TAFA2: variants seen among roughly 807,000 people sequenced by gnomAD.
The protein encoded by TAFA2 is TAFA chemokine like family member 2.
TAFA2 carries 7 observed loss-of-function variants against 18.8 expected under a neutral mutation model. The observed-to-expected ratio is 0.37, with a 90% CI of 0.21 to 0.70. The LOEUF is 0.70. TAFA2 is among the 30% of genes least tolerant of loss of function. The pLI, the probability that TAFA2 is intolerant of heterozygous loss-of-function variation, is 0.53. For synonymous variants in TAFA2, 60 were observed against 54.2 expected, an observed-to-expected ratio of 1.11 and a Z score of -0.47; for missense variants, 122 against 158.1, an observed-to-expected ratio of 0.77 and a Z score of 1.23.
At chr12:61,772,662 C>A (rs1387055053) in intron 2 of TAFA2, among the ~76,000 whole-genome samples, 2 of 151,846 alleles carry the variant, frequency 1.3e-5, no homozygotes, top group African/African-American at 4.8e-5. Flanking sequence ...ATCTGGCATC[C>A]TTTATGATTA....
At chr12:61,721,103 C>G (rs1344029952) in intron 4 of TAFA2, among the ~76,000 whole-genome samples, 2 of 151,980 alleles carry the variant, frequency 1.3e-5, no homozygotes, top group African/African-American at 2.4e-5. Flanking sequence ...ATTATATAAT[C>G]TTAGTACATC....
chr12:62,102,854 A>G (rs1869271474), intron 1 of TAFA2, among the ~76,000 whole-genome samples: 1 of 152,186 alleles, frequency 6.6e-6, no homozygotes, highest in African/African-American at 2.4e-5. Flanking sequence ...TTCACTTAAG[A>G]AGACTCTAGG....
chr12:61,737,215 G>T (rs1868318784), intron 4 of TAFA2, among the ~76,000 whole-genome samples: 1 of 151,738 alleles, frequency 6.6e-6, no homozygotes, highest in Admixed American at 6.6e-5. Flanking sequence ...GTGCTCTTCA[G>T]TTTACCAACG....
intron 1 of TAFA2, chr12:61,880,118 C>G (rs1174311236): frequency 1.6e-6 from 1 of 608,654 alleles, no homozygotes; most frequent in Non-Finnish European, 3.0e-6. Flanking sequence ...GGTCAAGGCC[C>G]AGTATAAGGA....
At chr12:61,990,816 C>A (rs1879983892) in intron 1 of TAFA2, among the ~76,000 whole-genome samples, 1 of 152,038 alleles carries the variant, frequency 6.6e-6, no homozygotes, top group Non-Finnish European at 1.5e-5. Flanking sequence ...CTGATCACCA[C>A]GTGGAGGAGT....
At chr12:61,797,049 A>T (rs1431221553) in intron 2 of TAFA2, among the ~76,000 whole-genome samples, 2 of 152,218 alleles carry the variant, frequency 1.3e-5, no homozygotes, top group Non-Finnish European at 2.9e-5. Context: ...CACAAGAGTA[A>T]ATCTTGGTAA....
At chr12:61,753,416 G>T (rs1205274700) in intron 4 of TAFA2, among the ~76,000 whole-genome samples, 2 of 151,974 alleles carry the variant, frequency 1.3e-5, no homozygotes, top group Non-Finnish European at 2.9e-5. Context: ...TAATATGACA[G>T]TTGATGGTAC....
chr12:61,831,630 CA>C (rs1872723746), intron 2 of TAFA2, among the ~76,000 whole-genome samples: 1 of 152,052 alleles, frequency 6.6e-6, no homozygotes, highest in Non-Finnish European at 1.5e-5. Context: ...GGCTTTCCCC[CA>C]AATTGTGTGC....
At chr12:62,145,500 C>G (rs544007720) in intron 1 of TAFA2, 3 of 152,246 alleles carry the variant, frequency 2.0e-5, no homozygotes, top group Admixed American at 6.5e-5. Context: ...AGTCTGTTGC[C>G]AAAAATGTTG....
At chr12:61,955,894 CATA>C (rs1208875200) in intron 1 of TAFA2, among the ~76,000 whole-genome samples, 2 of 151,452 alleles carry the variant, frequency 1.3e-5, no homozygotes, top group Non-Finnish European at 2.9e-5. Context: ...AGGAAGCTCT[CATA>C]ATGTCTCAAG....
chr12:62,001,005 C>T (rs918630293), intron 1 of TAFA2, among the ~76,000 whole-genome samples: 1 of 152,176 alleles, frequency 6.6e-6, no homozygotes, highest in Admixed American at 6.5e-5. Flanking sequence ...TGCTCCACTG[C>T]TCTCTTCCCC....
At chr12:62,242,004 C>T (rs1367466834) in intron 1 of TAFA2, among the ~76,000 whole-genome samples, 1 of 152,088 alleles carries the variant, frequency 6.6e-6, no homozygotes, top group Non-Finnish European at 1.5e-5. Context: ...GAAAGCCTTC[C>T]CCTCTTTCCT....
At chr12:61,878,445 G>A (rs1050469866) in intron 1 of TAFA2, among the ~76,000 whole-genome samples, 2 of 152,136 alleles carry the variant, frequency 1.3e-5, no homozygotes, top group African/African-American at 4.8e-5. Flanking sequence ...ATTTGAAATA[G>A]TATTAACCTA....
chr12:61,940,709 T>C lies in TAFA2; in HGVS notation c.-1-73283A>G, dbSNP rs145353374. ...GCAGAGGTGCAGGTGAAGCTAGCAA[T>C]GGGCATGCTGGTCAGTAAATGCCAC... On this transcript the variant is annotated intron_variant, in intron 1 of 4. Coordinates refer to ENST00000416284, the MANE Select transcript of TAFA2 (RefSeq NM_178539.5). 3.5e-3 allele frequency among the ~76,000 whole-genome samples: 533 copies of C among 152,206 alleles called. 1 individual carries two copies. The highest frequency in any genetic ancestry group is 0.012 in the African/African-American group (500 of 41,540).
chr12:61,993,078 T>G (rs1332301181), intron 1 of TAFA2, among the ~76,000 whole-genome samples: 1 of 152,140 alleles, frequency 6.6e-6, no homozygotes, highest in African/African-American at 2.4e-5. Flanking sequence ...CACGCTGAAG[T>G]TTTAACCAGA....
intron 1 of TAFA2, among the ~76,000 whole-genome samples, chr12:62,164,153 T>C (rs1239138084): frequency 6.6e-6 from 1 of 151,918 alleles, no homozygotes; most frequent in Non-Finnish European, 1.5e-5. Context: ...CCATGAATCC[T>C]TCTGCATAGC....
intron 1 of TAFA2, among the ~76,000 whole-genome samples, chr12:61,989,016 T>C (rs1879909992): frequency 6.6e-6 from 1 of 152,218 alleles, no homozygotes; most frequent in African/African-American, 2.4e-5. Context: ...TGTTCTTACA[T>C]TGTATATGAT....
chr12:61,803,073 T>G (rs186379454), intron 2 of TAFA2, among the ~76,000 whole-genome samples: 3 of 152,068 alleles, frequency 2.0e-5, no homozygotes, highest in African/African-American at 4.8e-5. Flanking sequence ...AAAGAATGAA[T>G]AGCATAAACA....
intron 4 of TAFA2, among the ~76,000 whole-genome samples, chr12:61,730,085 G>C (rs1472434059): frequency 6.6e-6 from 1 of 152,116 alleles, no homozygotes; most frequent in Non-Finnish European, 1.5e-5. Flanking sequence ...CTGTCTTCAG[G>C]TCTCCCAGCC....
Sources: allele counts gnomAD v4.1 joint callset (sites outside exome capture counted in the v4.1 genomes callset), GRCh38; gene constraint gnomAD v4.1.1; transcripts MANE v1.5; gene names NCBI Gene and HGNC (gene_info 2026-07-23, HGNC 2026-07-21).